Variants in UNC5D observed in about 807,000 individuals in gnomAD.
UNC5D encodes unc-5 netrin receptor D.
Under a neutral mutation model 105.4 loss-of-function variants are expected in UNC5D, and 39 were observed. That is an observed-to-expected ratio of 0.37 (90% CI 0.29 to 0.48). The LOEUF is 0.48. UNC5D is among the 20% of genes least tolerant of loss of function. The probability of loss-of-function intolerance (pLI) is 0.98; values close to 1 mark genes in which losing one functional copy is unlikely to be tolerated. For synonymous variants in UNC5D, 452 were observed against 450.4 expected (o/e 1.00, Z -0.04); for missense variants, 991 against 1,202.4 (o/e 0.82, Z 2.60).
chr8:35,486,087 T>A (rs969197885), intron 1 of UNC5D, among the ~76,000 whole-genome samples: 5 of 152,222 alleles, frequency 3.3e-5, no homozygotes, highest in Admixed American at 1.3e-4. Context: ...TTATTCTGCT[T>A]TGATTCATAT....
intron 1 of UNC5D, among the ~76,000 whole-genome samples, chr8:35,245,310 C>G (rs568709106): frequency 6.6e-6 from 1 of 152,010 alleles, no homozygotes. Context: ...ATACAGAGCA[C>G]AAAATACAGT....
At chr8:35,337,959 C>T (rs1031939597) in intron 1 of UNC5D, among the ~76,000 whole-genome samples, 1 of 152,164 alleles carries the variant, frequency 6.6e-6, no homozygotes, top group African/African-American at 2.4e-5. Context: ...TTTCTCATTG[C>T]TTTAAAATGT....
intron 4 of UNC5D, among the ~76,000 whole-genome samples, chr8:35,647,168 T>C (rs1416095896): frequency 6.6e-6 from 1 of 152,156 alleles, no homozygotes; most frequent in Non-Finnish European, 1.5e-5. Flanking sequence ...AAAGAAAATG[T>C]CTTGTGTCTG....
At chr8:35,630,208 A>G (rs1382343638) in intron 4 of UNC5D, among the ~76,000 whole-genome samples, 1 of 152,216 alleles carries the variant, frequency 6.6e-6, no homozygotes, top group Non-Finnish European at 1.5e-5. Flanking sequence ...TTATGATGAT[A>G]GTGGAATTTT....
At chr8:35,685,644 GGAT>G (rs761557162) in intron 6 of UNC5D, among the ~76,000 whole-genome samples, 11 of 152,148 alleles carry the variant, frequency 7.2e-5, no homozygotes, top group Non-Finnish European at 1.6e-4. Context: ...GTACTGTGCA[GGAT>G]GCTTTTACAT....
rs116453666 is a variant in UNC5D, at chr8:35,487,744, T to C, written c.104-61548T>C. Among the ~76,000 whole-genome samples, 628 of 152,266 alleles carry C rather than the reference T, an allele frequency of 4.1e-3. 8 individuals carry two copies. The highest frequency in any genetic ancestry group is 0.014 in the African/African-American group (592 of 41,558). The stretch of plus-strand genomic sequence containing the variant: ...TATAGGTAGAAAGAGTTTTAAGACA[T>C]GCTAGATAAAACCTGCATTGCCTTG... On this transcript the variant is annotated intron_variant, in intron 1 of 16. Transcript: ENST00000404895.
At chr8:35,729,332 CT>C (rs1563713555) in intron 10 of UNC5D, among the ~76,000 whole-genome samples, 1 of 152,210 alleles carries the variant, frequency 6.6e-6, no homozygotes, top group Non-Finnish European at 1.5e-5. Flanking sequence ...CGGACCCTGT[CT>C]TTTTTACTAA....
At chr8:35,522,010 C>T (rs1412815947) in intron 1 of UNC5D, among the ~76,000 whole-genome samples, 5 of 152,192 alleles carry the variant, frequency 3.3e-5, no homozygotes, top group East Asian at 1.9e-4. Context: ...TTAACATCCC[C>T]GGAGGAACAG....
chr8:35,372,420 A>C (rs1054923522), intron 1 of UNC5D, among the ~76,000 whole-genome samples: 20 of 151,514 alleles, frequency 1.3e-4, no homozygotes, highest in African/African-American at 3.9e-4. Flanking sequence ...CACCATGCCC[A>C]GATCTAGTTT....
intron 1 of UNC5D, among the ~76,000 whole-genome samples, chr8:35,402,597 C>T (rs1804543660): frequency 6.6e-6 from 1 of 152,100 alleles, no homozygotes; most frequent in Admixed American, 6.5e-5. Flanking sequence ...TCCATGTTCT[C>T]ATGACACACT....
At chr8:35,593,268 AT>A (rs1819291693) in intron 3 of UNC5D, among the ~76,000 whole-genome samples, 1 of 152,094 alleles carries the variant, frequency 6.6e-6, no homozygotes, top group Non-Finnish European at 1.5e-5. Context: ...TACATTTTCT[AT>A]TTCTATTGAT....
At chr8:35,593,645 C>G (rs1191260963) in intron 3 of UNC5D, among the ~76,000 whole-genome samples, 1 of 152,094 alleles carries the variant, frequency 6.6e-6, no homozygotes, top group East Asian at 1.9e-4. Context: ...ACCTGTAGCC[C>G]TAGCTACTTG....
At chr8:35,601,720 A>G (rs1474650282) in intron 4 of UNC5D, among the ~76,000 whole-genome samples, 1 of 152,180 alleles carries the variant, frequency 6.6e-6, no homozygotes, top group Non-Finnish European at 1.5e-5. Context: ...GGGATTTTCT[A>G]AATATACAGT....
At chr8:35,357,275 C>T (rs1408179303) in intron 1 of UNC5D, among the ~76,000 whole-genome samples, 6 of 152,128 alleles carry the variant, frequency 3.9e-5, no homozygotes, top group South Asian at 4.1e-4. Context: ...CCTGACAAGC[C>T]TCTGAATGAC....
intron 1 of UNC5D, among the ~76,000 whole-genome samples, chr8:35,245,625 TAAA>T (rs1803043966): frequency 6.6e-6 from 1 of 152,078 alleles, no homozygotes; most frequent in Non-Finnish European, 1.5e-5. Flanking sequence ...GAGCAAAAAA[TAAA>T]AATATCCATC....
At chr8:35,630,376 C>T (rs1485615952) in intron 4 of UNC5D, among the ~76,000 whole-genome samples, 4 of 152,214 alleles carry the variant, frequency 2.6e-5, no homozygotes, top group Non-Finnish European at 5.9e-5. Flanking sequence ...GCCCTGATCT[C>T]AGAAAATAAG....
intron 1 of UNC5D, among the ~76,000 whole-genome samples, chr8:35,530,257 G>C (rs1277243920): frequency 5.0e-5 from 7 of 138,658 alleles, no homozygotes; most frequent in South Asian, 2.5e-4. Context: ...TAGCATGAAG[G>C]GTTGTTGAAT....
intron 1 of UNC5D, among the ~76,000 whole-genome samples, chr8:35,443,385 G>C (rs1807564580): frequency 6.6e-6 from 1 of 151,622 alleles, no homozygotes. Flanking sequence ...GCTGAATCAG[G>C]GGGCAGCCAG....
At chr8:35,529,917 G>A (rs1222192724) in intron 1 of UNC5D, among the ~76,000 whole-genome samples, 1 of 150,810 alleles carries the variant, frequency 6.6e-6, no homozygotes, top group African/African-American at 2.4e-5. Context: ...CTTTGCTGAA[G>A]TTGCTTATCA....
Sources: gnomAD v4.1 joint callset for allele counts (sites outside exome capture counted in the v4.1 genomes callset) on GRCh38, gnomAD v4.1.1 for gene constraint, MANE v1.5 for transcripts, NCBI Gene and HGNC (gene_info 2026-07-23, HGNC 2026-07-21) for gene names.